HTR7: variants seen among roughly 807,000 people sequenced by gnomAD.
HTR7 encodes 5-hydroxytryptamine receptor 7.
A neutral mutation model predicts 34.0 loss-of-function variants in HTR7; 16 were observed. The observed-to-expected ratio is 0.47, with a 90% CI of 0.32 to 0.71. HTR7 has a LOEUF of 0.71. Among genes scored for constraint, HTR7 ranks in the 30% least tolerant of loss-of-function variants. The probability of loss-of-function intolerance (pLI) is 0.04; values close to 1 mark genes in which losing one functional copy is unlikely to be tolerated. For synonymous variants in HTR7, 265 were observed against 260.2 expected, an observed-to-expected ratio of 1.02 and a Z score of -0.18; for missense variants, 504 against 625.5, an observed-to-expected ratio of 0.81 and a Z score of 2.07.
At chr10:90,775,532 G>A (rs1687629881) in intron 1 of HTR7, among the ~76,000 whole-genome samples, 1 of 152,178 alleles carries the variant, frequency 6.6e-6, no homozygotes, top group African/African-American at 2.4e-5. Flanking sequence ...AGGGGAAAGG[G>A]AAGTGATACA....
chr10:90,743,790 A>G (rs1458770106), intron 2 of HTR7, 100 bp from the exon 3 acceptor site: 18 of 917,596 alleles, frequency 2.0e-5, no homozygotes, highest in Non-Finnish European at 2.8e-5. Flanking sequence ...TTGGTTTTAT[A>G]TTACCAATCT....
intron 1 of HTR7, among the ~76,000 whole-genome samples, chr10:90,775,298 C>T (rs572523972): frequency 1.2e-4 from 19 of 152,188 alleles, no homozygotes; most frequent in African/African-American, 4.3e-4. Context: ...GATTTCAGGC[C>T]GTGCTCGGTG....
At chr10:90,846,721 C>T (rs1846417948) in intron 1 of HTR7, among the ~76,000 whole-genome samples, 1 of 152,202 alleles carries the variant, frequency 6.6e-6, no homozygotes, top group African/African-American at 2.4e-5. Context: ...TAACATCTCT[C>T]AAGCCCAAAT....
At chr10:90,784,850 T>C (rs1273010641) in intron 1 of HTR7, among the ~76,000 whole-genome samples, 4 of 152,220 alleles carry the variant, frequency 2.6e-5, no homozygotes, top group African/African-American at 4.8e-5. Flanking sequence ...CATACAGTTC[T>C]ATATTACTTC....
intron 1 of HTR7, among the ~76,000 whole-genome samples, chr10:90,764,899 A>T (rs1462300982): frequency 6.6e-6 from 1 of 151,920 alleles, no homozygotes; most frequent in Non-Finnish European, 1.5e-5. Flanking sequence ...ATATTTATTG[A>T]TTTGCATATA....
chr10:90,849,146 A>T (rs1846457120), intron 1 of HTR7, among the ~76,000 whole-genome samples: 1 of 152,228 alleles, frequency 6.6e-6, no homozygotes, highest in Non-Finnish European at 1.5e-5. Context: ...CTTGTAGAAG[A>T]CTTTTGGTGG....
At chr10:90,788,005 T>C (rs190051538) in intron 1 of HTR7, among the ~76,000 whole-genome samples, 11 of 152,198 alleles carry the variant, frequency 7.2e-5, no homozygotes, top group African/African-American at 2.4e-4. Flanking sequence ...TTCGTAAGTG[T>C]TAAATAGATA....
intron 1 of HTR7, among the ~76,000 whole-genome samples, chr10:90,853,793 T>C (rs1041573875): frequency 2.0e-5 from 3 of 152,244 alleles, no homozygotes; most frequent in Admixed American, 2.0e-4. Context: ...TTAAAAAGTT[T>C]CTAAATAGAC....
At chr10:90,849,574 T>C (rs1228213834) in intron 1 of HTR7, among the ~76,000 whole-genome samples, 2 of 152,182 alleles carry the variant, frequency 1.3e-5, no homozygotes, top group Admixed American at 1.3e-4. Context: ...CAGTTCAAGA[T>C]GTTGAGGAGT....
intron 1 of HTR7, among the ~76,000 whole-genome samples, chr10:90,759,722 T>C (rs1844903312): frequency 6.8e-6 from 1 of 148,046 alleles, no homozygotes. Flanking sequence ...CTTGTTTAAA[T>C]GCAACAGTAA....
chr10:90,796,900 T>A (rs964750730), intron 1 of HTR7, among the ~76,000 whole-genome samples: 1 of 151,736 alleles, frequency 6.6e-6, no homozygotes, highest in African/African-American at 2.4e-5. Flanking sequence ...TAGTCCCAGT[T>A]ACTCGGGAGG....
At chr10:90,836,960 C>T (rs191203645) in intron 1 of HTR7, among the ~76,000 whole-genome samples, 1 of 152,230 alleles carries the variant, frequency 6.6e-6, no homozygotes, top group Admixed American at 6.5e-5. Context: ...TATCCTATCC[C>T]CTGTCTTCTA....
chr10:90,812,391 T>C (rs1845826652), intron 1 of HTR7, among the ~76,000 whole-genome samples: 1 of 152,234 alleles, frequency 6.6e-6, no homozygotes. Context: ...ACTGCCACTC[T>C]TAACTCTTGA....
chr10:90,838,396 G>GTC (rs1419481137), intron 1 of HTR7, among the ~76,000 whole-genome samples: 1 of 152,032 alleles, frequency 6.6e-6, no homozygotes, highest in Non-Finnish European at 1.5e-5. Flanking sequence ...AGTTGTCTCT[G>GTC]TCTCCACTAC....
rs558368175 is a variant in HTR7 at position 90,791,184 on chromosome 10, C to T, written c.540-41590G>A. Among the ~76,000 whole-genome samples, 38 of 151,476 alleles carry T rather than the reference C, an allele frequency of 2.5e-4. 1 individual carries two copies. The highest frequency in any genetic ancestry group is 8.2e-4 in the African/African-American group (34 of 41,288). ...ATAATTTCTAGGTGGGACACAAACT[C>T]AAAAAAATTATCAAATACCTGAACA... On this transcript the variant is annotated intron_variant, in intron 1 of 3. Coordinates refer to ENST00000336152, the MANE Select transcript of HTR7 (RefSeq NM_019859.4).
chr10:90,743,187 A>G (rs1844581062), intron 3 of HTR7, among the ~76,000 whole-genome samples: 3 of 151,872 alleles, frequency 2.0e-5, no homozygotes, highest in Admixed American at 2.0e-4. Flanking sequence ...TACCCACCCC[A>G]TCTAAAGCAC....
chr10:90,827,737 T>A (rs1235692203), intron 1 of HTR7, among the ~76,000 whole-genome samples: 1 of 152,108 alleles, frequency 6.6e-6, no homozygotes, highest in South Asian at 2.1e-4. Flanking sequence ...ATAAAGAAAA[T>A]GTTAGCGCTA....
intron 2 of HTR7, among the ~76,000 whole-genome samples, chr10:90,748,421 C>A (rs547030303): frequency 6.6e-6 from 1 of 152,288 alleles, no homozygotes; most frequent in East Asian, 1.9e-4. Context: ...GATCATTGTG[C>A]CTCCTACCTC....
At chr10:90,801,120 T>C (rs576106749) in intron 1 of HTR7, among the ~76,000 whole-genome samples, 69 of 152,258 alleles carry the variant, frequency 4.5e-4, no homozygotes, top group African/African-American at 1.2e-3. Flanking sequence ...AAAAAGGGAG[T>C]TTGCTCACTT....
Sources: gnomAD v4.1 joint callset for allele counts (sites outside exome capture counted in the v4.1 genomes callset) on GRCh38, gnomAD v4.1.1 for gene constraint, MANE v1.5 for transcripts, NCBI Gene and HGNC (gene_info 2026-07-23, HGNC 2026-07-21) for gene names.